GREM2: variants seen among roughly 807,000 people sequenced by gnomAD.
GREM2 encodes the protein gremlin 2, DAN family BMP antagonist, also known as gremlin-2.
GREM2 carries 11 observed loss-of-function variants against 14.2 expected under a neutral mutation model. That is an observed-to-expected ratio of 0.78 (90% CI 0.49 to 1.28). GREM2 has a LOEUF of 1.28. Among genes scored for constraint, GREM2 ranks in the 50% most tolerant of loss-of-function variants. GREM2 has a pLI of 0.00. For missense variants in GREM2, 210 were observed against 218.5 expected, an observed-to-expected ratio of 0.96 and a Z score of 0.24; for synonymous variants, 98 against 97.6, an observed-to-expected ratio of 1.00 and a Z score of -0.02.
rs183402123 is a variant in GREM2, at chr1:240,551,685, G to A, written c.-1-58209C>T. 5.9e-4 allele frequency among the ~76,000 whole-genome samples: 90 copies of A among 151,720 alleles called. 1 individual carries two copies. The highest frequency in any genetic ancestry group is 1.0e-3 in the Non-Finnish European group (70 of 67,956). ...ATTTTCTAAATGAACTATTGAATGAGGTACACTTAAAATGTAAGCACAAAT... is the reference window on the plus strand; with the variant it reads ...ATTTTCTAAATGAACTATTGAATGAAGTACACTTAAAATGTAAGCACAAAT... On this transcript the variant is annotated intron_variant, in intron 1 of 1. Coordinates refer to ENST00000318160, the MANE Select transcript of GREM2 (RefSeq NM_022469.4).
chr1:240,537,745 A>C (rs1293879376), intron 1 of GREM2, among the ~76,000 whole-genome samples: 1 of 152,134 alleles, frequency 6.6e-6, no homozygotes, highest in Non-Finnish European at 1.5e-5. Context: ...AGATGGCGCC[A>C]CTGCACTCCA....
intron 1 of GREM2, among the ~76,000 whole-genome samples, chr1:240,591,898 C>T (rs956637867): frequency 1.3e-5 from 2 of 152,106 alleles, no homozygotes; most frequent in African/African-American, 2.4e-5. Flanking sequence ...ATAAATGGCT[C>T]TTAATTCTAC....
intron 1 of GREM2, among the ~76,000 whole-genome samples, chr1:240,546,291 A>T (rs1161941826): frequency 6.6e-6 from 1 of 152,050 alleles, no homozygotes; most frequent in African/African-American, 2.4e-5. Flanking sequence ...GTGAGCCAAG[A>T]TCGCGCTACT....
chr1:240,544,900 A>G (rs1202564336), intron 1 of GREM2, among the ~76,000 whole-genome samples: 5 of 152,230 alleles, frequency 3.3e-5, no homozygotes, highest in African/African-American at 9.6e-5. Flanking sequence ...TCAAAGTTCA[A>G]AACTAAAGTT....
chr1:240,569,797 T>C (rs956848225), intron 1 of GREM2, among the ~76,000 whole-genome samples: 1 of 152,220 alleles, frequency 6.6e-6, no homozygotes, highest in African/African-American at 2.4e-5. Flanking sequence ...ATTTCTTATA[T>C]ATGACACCCA....
At chr1:240,581,132 C>T (rs1679474507) in intron 1 of GREM2, among the ~76,000 whole-genome samples, 2 of 151,978 alleles carry the variant, frequency 1.3e-5, no homozygotes, top group South Asian at 4.2e-4. Context: ...TGCCTGTAGT[C>T]CCAGCTACTT....
intron 1 of GREM2, among the ~76,000 whole-genome samples, chr1:240,520,767 T>G (rs1424478394): frequency 6.6e-6 from 1 of 152,080 alleles, no homozygotes; most frequent in Non-Finnish European, 1.5e-5. Context: ...GGTCTTGAAC[T>G]CCAGACCTCA....
intron 1 of GREM2, among the ~76,000 whole-genome samples, chr1:240,541,024 T>C (rs190604745): frequency 7.2e-5 from 11 of 152,334 alleles, no homozygotes; most frequent in African/African-American, 2.6e-4. Context: ...TGGAATACCC[T>C]GTGGAATACC....
In GREM2 at chr1:240,522,985, G is replaced by T. The variant is rs547206218; in HGVS notation, c.-1-29509C>A. Among the ~76,000 whole-genome samples the T allele has an allele frequency of 1.1e-4, 17 of 152,300 alleles. No homozygotes were observed. The South Asian group carries it at 3.1e-3, about 28-fold the overall frequency. ...AAGACAGTGCTATTTATATATTTTT[G>T]AATGGATAATACATGTACATACAGG... On this transcript the variant is annotated intron_variant, in intron 1 of 1. Transcript: ENST00000318160.
chr1:240,571,030 T>G (rs1444313988), intron 1 of GREM2, among the ~76,000 whole-genome samples: 1 of 152,206 alleles, frequency 6.6e-6, no homozygotes, highest in African/African-American at 2.4e-5. Context: ...CACTTTAAAA[T>G]GATCTTTGAT....
At chr1:240,518,744 C>T (rs1353885418) in intron 1 of GREM2, among the ~76,000 whole-genome samples, 5 of 152,216 alleles carry the variant, frequency 3.3e-5, no homozygotes, top group Non-Finnish European at 7.3e-5. Context: ...TCTGCTCCTA[C>T]TTCAAAAGTT....
chr1:240,555,100 G>GT (rs1678928967), intron 1 of GREM2, among the ~76,000 whole-genome samples: 1 of 151,862 alleles, frequency 6.6e-6, no homozygotes, highest in African/African-American at 2.4e-5. Flanking sequence ...AGCTGAGATC[G>GT]TACCATTGGA....
In GREM2 at chr1:240,491,039, G is replaced by C. The variant is rs775673754; in HGVS notation, c.*1930C>G. The C allele has an allele frequency of 6.6e-6, 1 of 152,046 alleles. No homozygotes were observed. Among genetic ancestry groups the C allele is most frequent in the Non-Finnish European group, 1.5e-5 (1 of 68,056 alleles). 9.4% of individuals were successfully genotyped at this position (152,046 alleles called of 1,614,324 possible). ...CCCTCAAGGATTTCTTTTGATTTCT[G>C]CCTCCTGAGTTCAGGCTGTATATAC... is the stretch of plus-strand genomic sequence containing the variant. On this transcript the variant is annotated 3_prime_UTR_variant, in exon 2 of 2. Coordinates refer to ENST00000318160, the MANE Select transcript of GREM2 (RefSeq NM_022469.4).
At chr1:240,565,228 G>C (rs1297215362) in intron 1 of GREM2, among the ~76,000 whole-genome samples, 1 of 151,924 alleles carries the variant, frequency 6.6e-6, no homozygotes, top group East Asian at 1.9e-4. Context: ...TTTTCTTTTA[G>C]GTCAGGACAA....
At chr1:240,595,360 A>G (rs945343434) in intron 1 of GREM2, among the ~76,000 whole-genome samples, 4 of 152,096 alleles carry the variant, frequency 2.6e-5, no homozygotes, top group Admixed American at 2.0e-4. Flanking sequence ...TGCTTTCTTC[A>G]TTACCTCCCA....
intron 1 of GREM2, among the ~76,000 whole-genome samples, chr1:240,519,192 CA>C (rs1255289690): frequency 9.2e-5 from 14 of 152,118 alleles, no homozygotes; most frequent in African/African-American, 2.7e-4. Context: ...TGTATGGGAC[CA>C]TGTGTCCGCA....
chr1:240,538,649 C>T (rs188940895), intron 1 of GREM2, among the ~76,000 whole-genome samples: 19 of 152,126 alleles, frequency 1.2e-4, no homozygotes, highest in African/African-American at 4.3e-4. Flanking sequence ...GTTCAGGAGG[C>T]GGAGGTTGCA....
At chr1:240,605,815 C>T (rs1310292831) in intron 1 of GREM2, among the ~76,000 whole-genome samples, 1 of 151,850 alleles carries the variant, frequency 6.6e-6, no homozygotes, top group Non-Finnish European at 1.5e-5. Context: ...TTGGCATTCT[C>T]TAATAATAAA....
intron 1 of GREM2, among the ~76,000 whole-genome samples, chr1:240,579,645 T>C (rs1679445747): frequency 6.6e-6 from 1 of 152,150 alleles, no homozygotes. Context: ...TCTCTCTACA[T>C]GAGTAACTAT....
Sources: gnomAD v4.1 joint callset for allele counts (sites outside exome capture counted in the v4.1 genomes callset) on GRCh38, gnomAD v4.1.1 for gene constraint, MANE v1.5 for transcripts, NCBI Gene and HGNC (gene_info 2026-07-23, HGNC 2026-07-21) for gene names.